Variants in PDE3A observed in about 807,000 individuals in gnomAD.
PDE3A encodes cGMP-inhibited 3',5'-cyclic phosphodiesterase 3A.
In PDE3A, 43 loss-of-function variants were observed where a neutral mutation model predicts 98.3. That is an observed-to-expected ratio of 0.44 (90% confidence interval 0.34 to 0.56). The LOEUF (loss-of-function observed/expected upper bound fraction) is 0.56. Among genes scored for constraint, PDE3A ranks in the 20% least tolerant of loss-of-function variants. The pLI, the probability that PDE3A is intolerant of heterozygous loss-of-function variation, is 0.01. For missense variants in PDE3A, 1,427 were observed against 1,440.7 expected, an observed-to-expected ratio of 0.99 and a Z score of 0.15; for synonymous variants, 663 against 567.9, an observed-to-expected ratio of 1.17 and a Z score of -2.38.
intron 1 of PDE3A, 43 bp from the exon 2 acceptor site, chr12:20,556,617 G>C (rs1942374786): frequency 8.0e-7 from 1 of 1,253,068 alleles, no homozygotes; most frequent in Non-Finnish European, 1.2e-6. Context: ...ATGTTTGTCA[G>C]GTAAAATAAT....
Position 20,680,022 on chromosome 12 carries a change from T to C in PDE3A, c.3185-8T>C. 6.3e-7 allele frequency: 1 copy of C among 1,582,472 alleles called. No homozygotes were observed. Among genetic ancestry groups the C allele is most frequent in the Non-Finnish European group, 8.6e-7 (1 of 1,159,044 alleles). On this transcript the variant is annotated splice_region_variant and splice_polypyrimidine_tract_variant and intron_variant, in intron 15 of 15. Transcript: ENST00000359062. ...CTGATTTGGTGTTTTTTATTTTATT[T>C]ATTTTAGAAAAGAAGACTTTCAAAA...
At chr12:20,373,645 T>A (rs147186526) in intron 1 of PDE3A, among the ~76,000 whole-genome samples, 6 of 152,108 alleles carry the variant, frequency 3.9e-5, no homozygotes, top group Non-Finnish European at 8.8e-5. Context: ...AAATTTTATA[T>A]TTTTACCTGT....
At chr12:20,540,928 A>G (rs1190020945) in intron 1 of PDE3A, among the ~76,000 whole-genome samples, 1 of 151,858 alleles carries the variant, frequency 6.6e-6, no homozygotes, top group Non-Finnish European at 1.5e-5. Context: ...AATGTGTTTA[A>G]TGTATTTTTT....
intron 1 of PDE3A, among the ~76,000 whole-genome samples, chr12:20,427,995 G>A (rs2120786308): frequency 6.6e-6 from 1 of 152,170 alleles, no homozygotes; most frequent in South Asian, 2.1e-4. Flanking sequence ...CACGAGGTCA[G>A]GAGGTCAGGA....
chr12:20,422,393 A>G lies in PDE3A; in HGVS notation c.960+52149A>G, dbSNP rs538285993. Among the ~76,000 whole-genome samples, 361 of 152,286 alleles carry G rather than the reference A, an allele frequency of 2.4e-3. 1 individual carries two copies. The highest frequency in any genetic ancestry group is 3.4e-3 in the Middle Eastern group (1 of 294). On this transcript the variant is annotated intron_variant, in intron 1 of 15. Transcript: ENST00000359062. Reference sequence around the variant, plus strand: ...ACTAACTGTCGAGTCTTTTAAAAAGATAATCTATGCCTTGAAGTGCCATTT... The same window carrying G: ...ACTAACTGTCGAGTCTTTTAAAAAGGTAATCTATGCCTTGAAGTGCCATTT...
intron 1 of PDE3A, among the ~76,000 whole-genome samples, chr12:20,481,955 G>A (rs1221421993): frequency 6.6e-6 from 1 of 151,404 alleles, no homozygotes; most frequent in Non-Finnish European, 1.5e-5. Flanking sequence ...TTGTAGAGAC[G>A]GGATTTCACC....
chr12:20,578,656 G>C (rs1227024917), intron 2 of PDE3A, among the ~76,000 whole-genome samples: 2 of 152,046 alleles, frequency 1.3e-5, no homozygotes, highest in Non-Finnish European at 2.9e-5. Flanking sequence ...CCTTATCCTA[G>C]GGCTAGATAC....
chr12:20,456,907 G>A (rs949078575), intron 1 of PDE3A, among the ~76,000 whole-genome samples: 19 of 152,054 alleles, frequency 1.2e-4, no homozygotes, highest in African/African-American at 4.8e-5. Flanking sequence ...GTTCTCTCTC[G>A]GACTAAGCAT....
intron 2 of PDE3A, among the ~76,000 whole-genome samples, chr12:20,584,796 C>T (rs1592082079): frequency 6.6e-6 from 1 of 152,122 alleles, no homozygotes; most frequent in East Asian, 1.9e-4. Flanking sequence ...TCTTCCTTTT[C>T]TGGCAATTTT....
In PDE3A at chr12:20,637,310, A is replaced by G. The variant is rs375822262; in HGVS notation, c.2139+73A>G. 159 of 1,141,176 alleles carry G rather than the reference A, an allele frequency of 1.4e-4. No homozygotes were observed. The African/African-American group carries it at 2.1e-3, about 15-fold the overall frequency. 70.7% of individuals were successfully genotyped at this position (1,141,176 alleles called of 1,614,324 possible). ...TCCTTTGTTGCTTAAAGCTCTGTAA[A>G]TTCTTGACACTTGTGGATAGGTGTT... is the stretch of plus-strand genomic sequence containing the variant. On this transcript the variant is annotated intron_variant, in intron 9 of 15. Coordinates refer to ENST00000359062, the MANE Select transcript of PDE3A (RefSeq NM_000921.5).
At chr12:20,598,868 G>A (rs904545355) in intron 2 of PDE3A, among the ~76,000 whole-genome samples, 1 of 152,008 alleles carries the variant, frequency 6.6e-6, no homozygotes, top group Admixed American at 6.5e-5. Context: ...GCTGTGAATG[G>A]CCTTGTTTCC....
chr12:20,654,199 T>A lies in PDE3A; in HGVS notation c.3178T>A (p.Ser1060Thr). The A allele has an allele frequency of 6.2e-7, 1 of 1,613,976 alleles. No individual in the cohort carries two copies. Among genetic ancestry groups the A allele is most frequent in the Non-Finnish European group, 8.5e-7 (1 of 1,179,920 alleles). Reference protein sequence around the residue: ...NEEETCENNESPKKKTFKRRK... With the variant: ...NEEETCENNETPKKKTFKRRK... ...AGAGGAAACCTGTGAAAATAATGAA[T>A]CTCCAAGTAAGTTCTAAAACCTAGT... The change falls in exon 15 of 16, where the codon TCT (serine) becomes ACT (threonine). Residue 1060 changes from serine to threonine, a missense_variant. Around this residue, in one of 3 missense-constraint regions of PDE3A, gnomAD observed 142 missense variants for 133.9 expected, o/e 1.06. Coordinates refer to ENST00000359062, the MANE Select transcript of PDE3A (RefSeq NM_000921.5).
chr12:20,611,074 C>T (rs956530955), intron 2 of PDE3A, among the ~76,000 whole-genome samples: 25 of 151,922 alleles, frequency 1.6e-4, no homozygotes, highest in South Asian at 6.2e-4. Flanking sequence ...CTATGCAAGA[C>T]GCTAGATAAT....
chr12:20,456,775 T>C (rs550291495), intron 1 of PDE3A, among the ~76,000 whole-genome samples: 35 of 152,266 alleles, frequency 2.3e-4, no homozygotes, highest in African/African-American at 8.2e-4. Flanking sequence ...CTTTTATCTT[T>C]ACAGAATAGC....
At chr12:20,610,341 A>G (rs548711551) in intron 2 of PDE3A, among the ~76,000 whole-genome samples, 32 of 152,176 alleles carry the variant, frequency 2.1e-4, no homozygotes, top group African/African-American at 7.2e-4. Context: ...TAAAACCACT[A>G]TAAGATATCA....
rs147986015 is a variant in PDE3A at position 20,451,587 on chromosome 12, A to G, written c.960+81343A>G. Among the ~76,000 whole-genome samples, 4 of 152,338 alleles carry G rather than the reference A, an allele frequency of 2.6e-5. No individual in the cohort carries two copies. The East Asian group carries it at 7.7e-4, about 29-fold the overall frequency. ...CTCCCAAACTGCTGGGATTACAGGC[A>G]TAAGCAAGTACACCCAGCCTCATTA... On this transcript the variant is annotated intron_variant, in intron 1 of 15. Coordinates refer to ENST00000359062, the MANE Select transcript of PDE3A (RefSeq NM_000921.5).
chr12:20,518,233 C>G (rs558378631), intron 1 of PDE3A, among the ~76,000 whole-genome samples: 1 of 152,224 alleles, frequency 6.6e-6, no homozygotes, highest in African/African-American at 2.4e-5. Context: ...TCTCAATATT[C>G]AAATGTATTA....
intron 1 of PDE3A, among the ~76,000 whole-genome samples, chr12:20,420,463 A>G (rs1406705317): frequency 1.3e-5 from 2 of 152,182 alleles, no homozygotes; most frequent in Non-Finnish European, 2.9e-5. Flanking sequence ...GGAATAAGCT[A>G]GCATCCGAGA....
At chr12:20,662,088 G>A (rs76726687) in intron 15 of PDE3A, among the ~76,000 whole-genome samples, 399 of 151,542 alleles carry the variant, frequency 2.6e-3, no homozygotes, top group African/African-American at 9.3e-3. Flanking sequence ...CTTCCACCAT[G>A]CTTGTCAGGT....
Sources: allele counts gnomAD v4.1 joint callset (sites outside exome capture counted in the v4.1 genomes callset), GRCh38; gene constraint gnomAD v4.1.1; regional missense constraint gnomAD v4.1.1; transcripts MANE v1.5; gene names NCBI Gene and HGNC (gene_info 2026-07-23, HGNC 2026-07-21).